PGAP1: variants seen among roughly 807,000 people sequenced by gnomAD.
PGAP1 encodes post-GPI attachment to proteins inositol deacylase 1.
Under a neutral mutation model 127.0 loss-of-function variants are expected in PGAP1, and 76 were observed. The observed-to-expected ratio is 0.60, with a 90% CI of 0.50 to 0.72. The LOEUF is 0.72. PGAP1 is among the 30% of genes least tolerant of loss of function. The probability of loss-of-function intolerance (pLI) is 0.00; values close to 1 mark genes in which losing one functional copy is unlikely to be tolerated. For synonymous variants in PGAP1, 362 were observed against 366.5 expected, an observed-to-expected ratio of 0.99 and a Z score of 0.14; for missense variants, 982 against 1,071.3, an observed-to-expected ratio of 0.92 and a Z score of 1.16.
intron 20 of PGAP1, among the ~76,000 whole-genome samples, chr2:196,857,030 C>T (rs1700907632): frequency 6.6e-6 from 1 of 152,100 alleles, no homozygotes; most frequent in African/African-American, 2.4e-5. Flanking sequence ...GATTGCCTTT[C>T]TGAAGTCCTT....
intron 1 of PGAP1, among the ~76,000 whole-genome samples, chr2:196,923,468 C>A (rs1703272059): frequency 6.6e-6 from 1 of 152,070 alleles, no homozygotes; most frequent in Non-Finnish European, 1.5e-5. Flanking sequence ...TATATTGTAA[C>A]TATACATTAC....
At chr2:196,922,897 C>G (rs1363190972) in intron 1 of PGAP1, among the ~76,000 whole-genome samples, 2 of 151,656 alleles carry the variant, frequency 1.3e-5, no homozygotes, top group Non-Finnish European at 2.9e-5. Context: ...GCCATGTTAT[C>G]CAGGCTGGTC....
At chr2:196,865,142 C>G in intron 19 of PGAP1, 62 bp from the exon 20 acceptor site, 1 of 929,276 alleles carries the variant, frequency 1.1e-6, no homozygotes. Flanking sequence ...TGTACTTTCA[C>G]ATAAAATTTA....
intron 20 of PGAP1, among the ~76,000 whole-genome samples, chr2:196,861,218 C>G (rs115904336): frequency 3.3e-5 from 5 of 152,048 alleles, no homozygotes; most frequent in Admixed American, 6.6e-5. Flanking sequence ...CCCGAAACGA[C>G]GAAACTACCA....
At position 196,913,068 on chromosome 2, in the gene PGAP1, C is replaced by A. The variant is rs1661154292; in HGVS notation, c.478-15G>T. The A allele has an allele frequency of 1.1e-5, 18 of 1,586,954 alleles. No individual in the cohort carries two copies. Among genetic ancestry groups the A allele is most frequent in the Admixed American group, 3.5e-5 (2 of 56,940 alleles). On this transcript the variant is annotated splice_polypyrimidine_tract_variant and intron_variant, in intron 3 of 26. Transcript: ENST00000354764. ...AATTCTTGACCCTATTAAAATAAAT[C>A]ACCAGGTCATAATTGCGGCTTTGTA... is the stretch of plus-strand genomic sequence containing the variant.
chr2:196,874,875 G>A (rs544898441), intron 14 of PGAP1, among the ~76,000 whole-genome samples: 3 of 152,204 alleles, frequency 2.0e-5, no homozygotes, highest in South Asian at 2.1e-4. Flanking sequence ...AATTAGCTGA[G>A]CATGGTGTCA....
intron 21 of PGAP1, 86 bp downstream of exon 21, chr2:196,847,861 T>A: frequency 9.7e-7 from 1 of 1,032,494 alleles, no homozygotes; most frequent in East Asian, 2.9e-5. Flanking sequence ...CAAATCTGTA[T>A]GAAAATTTAT....
At position 196,836,329 on chromosome 2, in the gene PGAP1, ACC is replaced by A. The variant is rs1700235630; in HGVS notation, c.*4903_*4904del. On this transcript the variant is annotated 3_prime_UTR_variant, in exon 27 of 27. Coordinates refer to ENST00000354764, the MANE Select transcript of PGAP1 (RefSeq NM_024989.4). ...GACAATTAAGACAGCTTAGAATATCACCTTTTGAAGGACATGTTATGAATTTA... is the reference window on the plus strand; with the variant it reads ...GACAATTAAGACAGCTTAGAATATCATTTTGAAGGACATGTTATGAATTTA... 6.6e-6 allele frequency: 1 copy of A among 152,652 alleles called. No homozygotes were observed. The highest frequency in any genetic ancestry group is 2.1e-4 in the South Asian group (1 of 4,830). The allele number at this position is 152,652 out of a possible 1,614,324, so 9.5% of individuals were successfully genotyped here.
At chr2:196,918,909 T>C (rs1484300077) in intron 2 of PGAP1, among the ~76,000 whole-genome samples, 1 of 152,234 alleles carries the variant, frequency 6.6e-6, no homozygotes, top group African/African-American at 2.4e-5. Context: ...TATATTTTTC[T>C]TACCCAAAGC....
rs778162467 is a variant in PGAP1 at position 196,872,984 on chromosome 2, T to C, written c.1595A>G (p.Tyr532Cys). ...CTGTGCAATGGTTAGTGAATCTTCA[T>C]AAGACCAAGGAATATGAAGTCTATA... is the stretch of plus-strand genomic sequence containing the variant. ...SIYRLHIPWS[Y>C]EDSLTIAQAP... is the part of the protein sequence containing the mutation. The change falls in exon 17 of 27, where the codon TAT becomes TGT. Residue 532 changes from tyrosine to cysteine, a missense_variant. Coordinates refer to ENST00000354764, the MANE Select transcript of PGAP1 (RefSeq NM_024989.4). The C allele has an allele frequency of 1.4e-5, 15 of 1,076,438 alleles. No individual in the cohort carries two copies. Among genetic ancestry groups the C allele is most frequent in the Non-Finnish European group, 2.0e-5 (15 of 731,842 alleles). The allele number at this position is 1,076,438 out of a possible 1,614,324, so 66.7% of individuals were successfully genotyped here. A position where few individuals can be genotyped will look rare whatever the true frequency, so the allele number is the denominator to read the frequency against.
intron 1 of PGAP1, among the ~76,000 whole-genome samples, chr2:196,926,000 C>CAGAT (rs1295811245): frequency 6.6e-6 from 1 of 152,078 alleles, no homozygotes; most frequent in Non-Finnish European, 1.5e-5. Flanking sequence ...ATCTGACGAG[C>CAGAT]AGATCACCGG....
chr2:196,921,408 T>C (rs973585691), intron 1 of PGAP1, among the ~76,000 whole-genome samples: 5 of 152,112 alleles, frequency 3.3e-5, no homozygotes, highest in African/African-American at 1.2e-4. Flanking sequence ...TATATGTACT[T>C]CAATTCAAAT....
rs377329019 is a variant in PGAP1 at position 196,875,837 on chromosome 2, T to C, written c.1351-16A>G. 2.8e-4 allele frequency: 354 copies of C among 1,258,028 alleles called. 1 individual carries two copies. In the African/African-American group the frequency reaches 4.8e-3, roughly 17 times the overall value. The allele number at this position is 1,258,028 out of a possible 1,614,324, so 77.9% of individuals were successfully genotyped here. On this transcript the variant is annotated splice_polypyrimidine_tract_variant and intron_variant, in intron 13 of 26. Transcript: ENST00000354764. ...CTACAACAAACTGAAATATAAAACA[T>C]TGATTTATTAGAAAAAGTAAGTTAA...
At chr2:196,878,706 A>G (rs1157885947) in intron 13 of PGAP1, among the ~76,000 whole-genome samples, 5 of 152,210 alleles carry the variant, frequency 3.3e-5, no homozygotes, top group Admixed American at 6.5e-5. Flanking sequence ...TCCTCCAATC[A>G]AAACTTTCAC....
intron 19 of PGAP1, 25 bp from the exon 20 acceptor site, chr2:196,865,105 CA>C: frequency 7.7e-7 from 1 of 1,291,442 alleles, no homozygotes. Flanking sequence ...AGTCAATGGG[CA>C]ACTCCTGAAT....
At chr2:196,852,220 T>TATA (rs766768572) in intron 20 of PGAP1, among the ~76,000 whole-genome samples, 32 of 152,314 alleles carry the variant, frequency 2.1e-4, no homozygotes, top group Non-Finnish European at 4.3e-4. Context: ...AGTATGTCTA[T>TATA]ATATGTTCAG....
intron 20 of PGAP1, among the ~76,000 whole-genome samples, chr2:196,858,365 A>G (rs7589467): frequency 0.11 from 16,900 of 151,580 alleles, 1,197 homozygotes; most frequent in African/African-American, 0.21. Flanking sequence ...TCGTACCACC[A>G]CACTCCAGCC....
intron 20 of PGAP1, among the ~76,000 whole-genome samples, chr2:196,851,219 G>A (rs1700710711): frequency 6.6e-6 from 1 of 151,896 alleles, no homozygotes; most frequent in Non-Finnish European, 1.5e-5. Context: ...AGGCTGTGAA[G>A]GGAGGGTTCT....
chr2:196,849,859 T>C (rs767959137), intron 20 of PGAP1, among the ~76,000 whole-genome samples: 1 of 152,166 alleles, frequency 6.6e-6, no homozygotes. Flanking sequence ...CCTGGGAAAC[T>C]AATAACTGCT....
Sources: gnomAD v4.1 joint callset for allele counts (sites outside exome capture counted in the v4.1 genomes callset) on GRCh38, gnomAD v4.1.1 for gene constraint, MANE v1.5 for transcripts, NCBI Gene and HGNC (gene_info 2026-07-23, HGNC 2026-07-21) for gene names.